The following ABHD3 variants were observed in gnomAD, a reference collection of about 807,000 sequenced individuals.
ABHD3 encodes the protein phospholipase ABHD3.
Under a neutral mutation model 48.8 loss-of-function variants are expected in ABHD3, and 46 were observed. The observed-to-expected ratio is 0.94, with a 90% confidence interval of 0.74 to 1.20. The LOEUF (loss-of-function observed/expected upper bound fraction) is 1.20. ABHD3 is among the 50% of genes most tolerant of loss of function. The pLI, the probability that ABHD3 is intolerant of heterozygous loss-of-function variation, is 0.00. For missense variants in ABHD3, 490 were observed against 497.8 expected, an observed-to-expected ratio of 0.98 and a Z score of 0.15; for synonymous variants, 192 against 183.7, an observed-to-expected ratio of 1.04 and a Z score of -0.36.
intron 4 of ABHD3, among the ~76,000 whole-genome samples, chr18:21,681,108 T>C (rs2146314683): frequency 6.6e-6 from 1 of 152,136 alleles, no homozygotes; most frequent in East Asian, 1.9e-4. Context: ...CTCCTGAGCT[T>C]CAACTTCTAC....
intron 3 of ABHD3, among the ~76,000 whole-genome samples, chr18:21,688,592 T>C (rs1163980673): frequency 1.3e-5 from 2 of 152,144 alleles, no homozygotes; most frequent in African/African-American, 2.4e-5. Flanking sequence ...TCTAGTTAGA[T>C]TGAAAAGATT....
intron 1 of ABHD3, among the ~76,000 whole-genome samples, chr18:21,704,193 C>A (rs554262615): frequency 6.6e-6 from 1 of 152,356 alleles, no homozygotes; most frequent in African/African-American, 2.4e-5. Flanking sequence ...TGCCCGGAGT[C>A]ATTTTCAAAA....
At chr18:21,677,377 T>A (rs1228384373) in intron 4 of ABHD3, among the ~76,000 whole-genome samples, 2 of 151,252 alleles carry the variant, frequency 1.3e-5, no homozygotes, top group Non-Finnish European at 3.0e-5. Context: ...TTTTTTTTTT[T>A]TGTATTTTTA....
At chr18:21,702,267 C>G (rs2040529151) in intron 3 of ABHD3, 49 bp downstream of exon 3, 1 of 1,411,168 alleles carries the variant, frequency 7.1e-7, no homozygotes, top group African/African-American at 1.4e-5. Context: ...TATATTTGTA[C>G]TTCATTTGGA....
In ABHD3 at chr18:21,660,673, T is replaced by A. The variant is rs2039471775; in HGVS notation, c.669-1330A>T. On this transcript the variant is annotated intron_variant, in intron 5 of 8. Transcript: ENST00000289119. ...GCTTAAAATTCCCCCTCATTCTTTT[T>A]TCCAGTTCAAATGACTTGCTGGGGT... is the stretch of plus-strand genomic sequence containing the variant. 2.0e-5 allele frequency among the ~76,000 whole-genome samples: 3 copies of A among 152,176 alleles called. No individual in the cohort carries two copies. In the South Asian group the frequency reaches 6.2e-4, roughly 32 times the overall value.
At chr18:21,687,075 A>G (rs1336805843) in intron 3 of ABHD3, among the ~76,000 whole-genome samples, 1 of 151,202 alleles carries the variant, frequency 6.6e-6, no homozygotes, top group Non-Finnish European at 1.5e-5. Context: ...TGCCTGGCTA[A>G]TTTTTAAACT....
chr18:21,695,649 T>C lies in ABHD3; in HGVS notation c.509+6667A>G, dbSNP rs73963235. On this transcript the variant is annotated intron_variant, in intron 3 of 8. Coordinates refer to ENST00000289119, the MANE Select transcript of ABHD3 (RefSeq NM_138340.5). The stretch of plus-strand genomic sequence containing the variant: ...TTACTTTTAATGGCAAAAACCACAA[T>C]TACTTTTGCACCAACCTAAGAATAA... 9.5e-3 allele frequency among the ~76,000 whole-genome samples: 1,447 copies of C among 152,068 alleles called. 26 individuals carry two copies. The highest frequency in any genetic ancestry group is 0.033 in the African/African-American group (1,357 of 41,482).
intron 5 of ABHD3, among the ~76,000 whole-genome samples, chr18:21,661,015 G>GA (rs2146286355): frequency 7.0e-6 from 1 of 142,924 alleles, no homozygotes; most frequent in African/African-American, 2.6e-5. Context: ...GCAGCAAAAT[G>GA]ATGCTAAGAT....
chr18:21,689,695 C>CT (rs2040204841), intron 3 of ABHD3, among the ~76,000 whole-genome samples: 1 of 151,494 alleles, frequency 6.6e-6, no homozygotes, highest in East Asian at 1.9e-4. Context: ...GCAGTAAATT[C>CT]TGACTAAAAG....
intron 4 of ABHD3, among the ~76,000 whole-genome samples, chr18:21,666,250 G>T (rs2039623818): frequency 6.6e-6 from 1 of 152,030 alleles, no homozygotes; most frequent in Non-Finnish European, 1.5e-5. Context: ...ATGGAGTGCT[G>T]TGGCGCGATC....
intron 3 of ABHD3, among the ~76,000 whole-genome samples, chr18:21,691,485 G>C (rs2040250551): frequency 6.6e-6 from 1 of 152,166 alleles, no homozygotes; most frequent in African/African-American, 2.4e-5. Context: ...GCTTACTAAG[G>C]TCATAAAGGT....
intron 8 of ABHD3, among the ~76,000 whole-genome samples, chr18:21,653,219 A>G (rs1209934974): frequency 2.1e-5 from 3 of 142,846 alleles, no homozygotes; most frequent in Admixed American, 1.4e-4. Flanking sequence ...AAAAATAGCC[A>G]GGCATGGTGG....
intron 1 of ABHD3, chr18:21,703,966 GT>G (rs2146345108): frequency 1.8e-6 from 1 of 544,424 alleles, no homozygotes; most frequent in East Asian, 2.9e-5. Context: ...GAGTTTGTTT[GT>G]TTTTAACTCC....
chr18:21,686,503 A>G (rs933876164), intron 3 of ABHD3, among the ~76,000 whole-genome samples: 2 of 152,232 alleles, frequency 1.3e-5, no homozygotes, highest in Non-Finnish European at 2.9e-5. Flanking sequence ...ATGAAAAAGC[A>G]GCCTGTACAT....
At chr18:21,686,641 G>A (rs1345814809) in intron 3 of ABHD3, among the ~76,000 whole-genome samples, 2 of 152,188 alleles carry the variant, frequency 1.3e-5, no homozygotes, top group Non-Finnish European at 2.9e-5. Flanking sequence ...ATAAGGCTTT[G>A]ATCCTAACAG....
intron 4 of ABHD3, among the ~76,000 whole-genome samples, chr18:21,681,819 T>C (rs2040010701): frequency 6.6e-6 from 1 of 152,166 alleles, no homozygotes; most frequent in Non-Finnish European, 1.5e-5. Flanking sequence ...AACCTACCAG[T>C]GTCTTGTTTT....
intron 8 of ABHD3, among the ~76,000 whole-genome samples, chr18:21,654,204 C>G (rs1300421341): frequency 6.6e-6 from 1 of 151,994 alleles, no homozygotes; most frequent in African/African-American, 2.4e-5. Context: ...GGCAACAGAG[C>G]AAGATCCTGT....
In ABHD3 at chr18:21,703,683, A is replaced by G; in HGVS notation, c.227T>C (p.Val76Ala). The part of the protein sequence containing the change: ...SRFLQDHCPV[V>A]TETYYPTVWC... ...GACCGTCGGGTAGTACGTTTCTGTAACCACGGGACAGTGGTCTTGAAGGAA... is the reference window on the plus strand; with the variant it reads ...GACCGTCGGGTAGTACGTTTCTGTAGCCACGGGACAGTGGTCTTGAAGGAA... The change falls in exon 2 of 9, where the codon GTT (valine) becomes GCT (alanine). Residue 76 changes from valine (V) to alanine (A), a missense_variant. Val to Ala is a moderately conservative substitution (Grantham distance 64, BLOSUM62 0). Coordinates refer to ENST00000289119, the MANE Select transcript of ABHD3 (RefSeq NM_138340.5). The G allele has an allele frequency of 6.2e-7, 1 of 1,614,056 alleles. No homozygotes were observed.
chr18:21,699,449 A>T (rs1014185845), intron 3 of ABHD3, among the ~76,000 whole-genome samples: 1 of 152,082 alleles, frequency 6.6e-6, no homozygotes, highest in Non-Finnish European at 1.5e-5. Context: ...TAAAGACTCA[A>T]CTCAGCCTTG....
Sources: allele counts gnomAD v4.1 joint callset (sites outside exome capture counted in the v4.1 genomes callset), GRCh38; gene constraint gnomAD v4.1.1; transcripts MANE v1.5; gene names NCBI Gene and HGNC (gene_info 2026-07-23, HGNC 2026-07-21).